RAB11FIP5: variants seen among roughly 807,000 people sequenced by gnomAD.
The protein encoded by RAB11FIP5 is rab11 family-interacting protein 5.
RAB11FIP5 carries 48 observed loss-of-function variants against 85.1 expected under a neutral mutation model. The ratio of observed to expected loss-of-function variants is 0.56; its 90% CI spans 0.45 to 0.72. The LOEUF (loss-of-function observed/expected upper bound fraction) is 0.72. Among genes scored for constraint, RAB11FIP5 ranks in the 30% least tolerant of loss-of-function variants. RAB11FIP5 has a pLI of 0.00. For missense variants in RAB11FIP5, 1,491 were observed against 1,687.0 expected (o/e 0.88, Z 2.04); for synonymous variants, 729 against 727.3 (o/e 1.00, Z -0.04).
In RAB11FIP5 at chr2:73,089,030, C is replaced by T. The variant is rs749202838; in HGVS notation, c.717G>A (p.Lys239=). The T allele has an allele frequency of 1.2e-6, 2 of 1,614,222 alleles. No individual in the cohort carries two copies. Among genetic ancestry groups the T allele is most frequent in the South Asian group, 2.2e-5 (2 of 91,090 alleles). Reference sequence around the variant, plus strand: ...ACTGGGTCAGGGACGACTTGCGCAGCTTGTTGCGGAGGAAGAAGCCTTTGG... The same window carrying T: ...ACTGGGTCAGGGACGACTTGCGCAGTTTGTTGCGGAGGAAGAAGCCTTTGG... ...GKAKGFFLRN[K]LRKSSLTQSN... is the part of the protein sequence containing the mutation. Residue 239 remains lysine (K), a synonymous_variant, in exon 2 of 6, where the codon AAG becomes AAA. Transcript: ENST00000486777. The surrounding 1 kb of genome is among the most constrained non-coding windows in gnomAD (Gnocchi z 4.6).
At position 73,088,367 on chromosome 2, in the gene RAB11FIP5, G is replaced by A. The variant is rs963183027; in HGVS notation, c.1251C>T (p.Ala417=). Residue 417 remains alanine (A), a synonymous_variant, in exon 3 of 6, where the codon GCC becomes GCT. Transcript: ENST00000486777. ...CCCCCTCCTCCTCTCCAGGGTGGCTGGCCCCAGGGGCCAGGACTTTAGCCT... is the reference window on the plus strand; with the variant it reads ...CCCCCTCCTCCTCTCCAGGGTGGCTAGCCCCAGGGGCCAGGACTTTAGCCT... ...SAQAKVLAPG[A]SHPGEEEGAR... 2 of 1,613,328 alleles carry A rather than the reference G, an allele frequency of 1.2e-6. No homozygotes were observed. The highest frequency in any genetic ancestry group is 2.7e-5 in the African/African-American group (2 of 74,828).
rs74863866 is a variant in RAB11FIP5, at chr2:73,111,915, G to A, written c.431+432C>T. ...GAAGACACCTGGCTTTCCTTCCCCC[G>A]TAGGGCAAGGCTGCGCCTCTCCACT... On this transcript the variant is annotated intron_variant, in intron 1 of 5. Coordinates refer to ENST00000486777, the MANE Select transcript of RAB11FIP5 (RefSeq NM_001371272.1). Among the ~76,000 whole-genome samples the A allele has an allele frequency of 7.1e-3, 1,081 of 152,224 alleles. 5 individuals are homozygous for A. Among genetic ancestry groups the A allele is most frequent in the Non-Finnish European group, 0.012 (828 of 68,016 alleles).
chr2:73,108,339 T>TCTGCCACACTC (rs1684570543), intron 1 of RAB11FIP5, among the ~76,000 whole-genome samples: 1 of 152,230 alleles, frequency 6.6e-6, no homozygotes, highest in Admixed American at 6.5e-5. Flanking sequence ...GACGATCCTG[T>TCTGCCACACTC]CTGCCACACT....
chr2:73,094,988 G>T (rs773777262), intron 1 of RAB11FIP5, among the ~76,000 whole-genome samples: 1 of 151,802 alleles, frequency 6.6e-6, no homozygotes, highest in African/African-American at 2.4e-5. Context: ...CAGTGATTCT[G>T]CCCCCATACA....
Position 73,079,908 on chromosome 2 carries a change from G to A in RAB11FIP5, c.3324C>T (p.Pro1108=), listed in dbSNP as rs887605773. The part of the protein sequence containing the change: ...PTPPEPDFPP[P]PLPPWASHHR... ...GGTGGCTGGCCCAAGGCGGGAGAGGGGGCGGTGGAAAGTCAGGCTCTGGGG... is the reference window on the plus strand; with the variant it reads ...GGTGGCTGGCCCAAGGCGGGAGAGGAGGCGGTGGAAAGTCAGGCTCTGGGG... Residue 1108 remains proline, a synonymous_variant, in exon 4 of 6, where the codon CCC becomes CCT. Coordinates refer to ENST00000486777, the MANE Select transcript of RAB11FIP5 (RefSeq NM_001371272.1). 1 of 1,232,258 alleles carries A rather than the reference G, an allele frequency of 8.1e-7. No homozygotes were observed. Among genetic ancestry groups the A allele is most frequent in the African/African-American group, 1.6e-5 (1 of 64,382 alleles). 76.3% of individuals were successfully genotyped at this position (1,232,258 alleles called of 1,614,324 possible). A position where few individuals can be genotyped will look rare whatever the true frequency, so the allele number is the denominator to read the frequency against.
intron 1 of RAB11FIP5, among the ~76,000 whole-genome samples, chr2:73,101,837 G>T (rs1684436573): frequency 6.6e-6 from 1 of 152,214 alleles, no homozygotes; most frequent in Admixed American, 6.5e-5. Context: ...AAGGCACAGG[G>T]CATGAGTCGG....
intron 1 of RAB11FIP5, among the ~76,000 whole-genome samples, chr2:73,092,494 C>T (rs1364740251): frequency 6.6e-6 from 1 of 152,196 alleles, no homozygotes; most frequent in Non-Finnish European, 1.5e-5. Flanking sequence ...CAAGGGAAAG[C>T]TCTTGCTCCT....
intron 1 of RAB11FIP5, among the ~76,000 whole-genome samples, chr2:73,107,001 T>C (rs1485437780): frequency 1.3e-5 from 2 of 152,122 alleles, no homozygotes; most frequent in East Asian, 1.9e-4. Flanking sequence ...CCCAGCTCCA[T>C]ACAGAGGCCT....
At chr2:73,098,663 C>T (rs2106118797) in intron 1 of RAB11FIP5, among the ~76,000 whole-genome samples, 1 of 152,226 alleles carries the variant, frequency 6.6e-6, no homozygotes, top group African/African-American at 2.4e-5. Flanking sequence ...ACACACTCAC[C>T]CCCGCATCCA....
chr2:73,078,499 C>G lies in RAB11FIP5; in HGVS notation c.3581+1152G>C, dbSNP rs533879394. ...AAGGGAGGAGAGTCACCACCACCAC[C>G]AGGGAGGGACACTGGGGGCAGCCTG... is the stretch of plus-strand genomic sequence containing the variant. On this transcript the variant is annotated intron_variant, in intron 4 of 5. Transcript: ENST00000486777. The surrounding 1 kb of genome is among the most constrained non-coding windows in gnomAD (Gnocchi z 4.4). 6.6e-6 allele frequency among the ~76,000 whole-genome samples: 1 copy of G among 152,332 alleles called. No individual in the cohort carries two copies. Among genetic ancestry groups the G allele is most frequent in the East Asian group, 1.9e-4 (1 of 5,186 alleles).
chr2:73,082,209 C>T (rs1683998302), intron 3 of RAB11FIP5, among the ~76,000 whole-genome samples: 1 of 152,128 alleles, frequency 6.6e-6, no homozygotes, highest in South Asian at 2.1e-4. Context: ...TGAGGTTTCA[C>T]CATGTTGGCC....
rs1439659756 is a variant in RAB11FIP5, at chr2:73,086,074, C to T, written c.1568+1976G>A. ...AGTCCTTTCTTCCAGGCCAGCCTTC[C>T]CCTCCCTGCAAGGCACACAAGGCCA... On this transcript the variant is annotated intron_variant, in intron 3 of 5. Coordinates refer to ENST00000486777, the MANE Select transcript of RAB11FIP5 (RefSeq NM_001371272.1). The surrounding 1 kb of genome is among the most constrained non-coding windows in gnomAD (Gnocchi z 4.4). 6.6e-6 allele frequency among the ~76,000 whole-genome samples: 1 copy of T among 152,182 alleles called. No homozygotes were observed. Among genetic ancestry groups the T allele is most frequent in the Non-Finnish European group, 1.5e-5 (1 of 68,036 alleles).
intron 1 of RAB11FIP5, among the ~76,000 whole-genome samples, chr2:73,101,713 C>A (rs778940885): frequency 1.3e-5 from 2 of 152,126 alleles, no homozygotes; most frequent in Non-Finnish European, 2.9e-5. Flanking sequence ...TTACCAACAC[C>A]CCTGTGAACA....
chr2:73,106,940 CTGGGAGCCCCGTTT>C (rs896816816), intron 1 of RAB11FIP5, among the ~76,000 whole-genome samples: 44 of 152,300 alleles, frequency 2.9e-4, no homozygotes, highest in African/African-American at 1.0e-3. Context: ...CTGGCTGCCC[CTGGGAGCCCCGTTT>C]TGGGAGGCCC....
chr2:73,110,288 G>A (rs959675899), intron 1 of RAB11FIP5, among the ~76,000 whole-genome samples: 1 of 152,182 alleles, frequency 6.6e-6, no homozygotes, highest in Non-Finnish European at 1.5e-5. Flanking sequence ...CTCAGTCTTG[G>A]TAGCCCACAC....
Position 73,081,246 on chromosome 2 carries a change from T to C in RAB11FIP5, c.1986A>G (p.Pro662=), listed in dbSNP as rs1186752181. The part of the protein sequence containing the change: ...FNVFAASRLR[P]EARSEILAPA... ...GGGCCAGGATCTCGCTCCTGGCCTC[T>C]GGACGCAGCCTGCTGGCAGCAAAGA... The change falls in exon 4 of 6, where the codon CCA becomes CCG. Residue 662 remains proline, a synonymous_variant. Transcript: ENST00000486777. The surrounding 1 kb of genome is among the most constrained non-coding windows in gnomAD (Gnocchi z 4.2). The C allele has an allele frequency of 3.2e-6, 4 of 1,232,250 alleles. No individual in the cohort carries two copies. The highest frequency in any genetic ancestry group is 4.2e-5 in the Admixed American group (1 of 23,708). The allele number at this position is 1,232,250 out of a possible 1,614,324, so 76.3% of individuals were successfully genotyped here.
intron 1 of RAB11FIP5, among the ~76,000 whole-genome samples, chr2:73,099,112 C>T (rs573730654): frequency 6.8e-6 from 1 of 146,954 alleles, no homozygotes; most frequent in African/African-American, 2.5e-5. Flanking sequence ...TGCAATGGCA[C>T]AGTCTCGGCT....
chr2:73,109,228 T>C (rs1255842142), intron 1 of RAB11FIP5, among the ~76,000 whole-genome samples: 2 of 152,148 alleles, frequency 1.3e-5, no homozygotes, highest in Non-Finnish European at 2.9e-5. Context: ...TCTTCAATTA[T>C]TTGGAAGCCT....
intron 1 of RAB11FIP5, among the ~76,000 whole-genome samples, chr2:73,093,689 C>T (rs964996388): frequency 5.9e-5 from 9 of 152,218 alleles, no homozygotes; most frequent in African/African-American, 1.9e-4. Context: ...GGCTAAGGCA[C>T]GCCAAGCCTG....
Sources: gnomAD v4.1 joint callset for allele counts (sites outside exome capture counted in the v4.1 genomes callset) on GRCh38, gnomAD v4.1.1 for gene constraint, Gnocchi (gnomAD v3.1) non-coding constraint, MANE v1.5 for transcripts, NCBI Gene and HGNC (gene_info 2026-07-23, HGNC 2026-07-21) for gene names.